Variants in LTBP1 observed in about 807,000 individuals in gnomAD.
LTBP1 encodes latent transforming growth factor beta binding protein 1.
Under a neutral mutation model 207.6 loss-of-function variants are expected in LTBP1, and 129 were observed. The ratio of observed to expected loss-of-function variants is 0.62; its 90% CI spans 0.54 to 0.72. LTBP1 has a LOEUF of 0.72. Among genes scored for constraint, LTBP1 ranks in the 30% least tolerant of loss-of-function variants. The probability of loss-of-function intolerance (pLI) is 0.00; values close to 1 mark genes in which losing one functional copy is unlikely to be tolerated. For synonymous variants in LTBP1, 963 were observed against 833.7 expected (o/e 1.16, Z -2.67); for missense variants, 2,281 against 2,217.2 (o/e 1.03, Z -0.58).
At chr2:33,277,823 T>TCTCTCTCTCTCTCTCTC (rs1320310239) in intron 18 of LTBP1, among the ~76,000 whole-genome samples, 12 of 83,516 alleles carry the variant, frequency 1.4e-4, no homozygotes, top group Non-Finnish European at 2.0e-4. Flanking sequence ...TTTTCTTTCT[T>TCTCTCTCTCTCTCTCTC]TCTTTCTTTT....
intron 3 of LTBP1, among the ~76,000 whole-genome samples, chr2:33,074,094 G>A (rs1221966136): frequency 1.3e-5 from 2 of 152,212 alleles, no homozygotes; most frequent in Non-Finnish European, 2.9e-5. Context: ...GTCTGAAGTT[G>A]AAGTGCAGAT....
intron 4 of LTBP1, among the ~76,000 whole-genome samples, chr2:33,116,031 G>A (rs1022950020): frequency 1.3e-5 from 2 of 152,180 alleles, no homozygotes; most frequent in Non-Finnish European, 2.9e-5. Context: ...AGGGTTATAA[G>A]ACACCAAAGG....
chr2:33,007,828 G>A (rs1287177996), intron 2 of LTBP1, among the ~76,000 whole-genome samples: 1 of 152,166 alleles, frequency 6.6e-6, no homozygotes, highest in African/African-American at 2.4e-5. Context: ...TGCTTTGCAT[G>A]TATTAATTAA....
In LTBP1 at chr2:33,347,401, T is replaced by G; in HGVS notation, c.3891T>G (p.Cys1297Trp). 1 of 1,614,194 alleles carries G rather than the reference T, an allele frequency of 6.2e-7. No individual in the cohort carries two copies. The highest frequency in any genetic ancestry group is 1.1e-5 in the South Asian group (1 of 91,086). The change falls in exon 26 of 34, where the codon TGT becomes TGG. Residue 1297 changes from cysteine (C) to tryptophan (W), a missense_variant. Around this residue, in one of 3 missense-constraint regions of LTBP1, gnomAD observed 1,671 missense variants for 1,634.8 expected, o/e 1.02. Transcript: ENST00000404816. ...AATGTGAACTGCTCAGTGGGGTGTG[T>G]GGTGAAGCCTTCTGTGAAAACGTGG... ...VNECELLSGV[C>W]GEAFCENVEG...
intron 3 of LTBP1, among the ~76,000 whole-genome samples, chr2:33,034,435 A>G (rs2075823174): frequency 1.3e-5 from 2 of 152,186 alleles, no homozygotes; most frequent in Non-Finnish European, 2.9e-5. Flanking sequence ...GTGTGAATGT[A>G]TATCAACTAT....
chr2:33,392,617 T>C (rs907197453), intron 32 of LTBP1, among the ~76,000 whole-genome samples: 3 of 152,174 alleles, frequency 2.0e-5, no homozygotes, highest in African/African-American at 7.2e-5. Flanking sequence ...TTTACAAAAA[T>C]AGGTAGCAGG....
intron 3 of LTBP1, among the ~76,000 whole-genome samples, chr2:33,032,088 G>A (rs2075715382): frequency 2.0e-5 from 3 of 152,232 alleles, no homozygotes; most frequent in East Asian, 3.9e-4. Context: ...CTTTGGATTC[G>A]GGTTAAGGAA....
intron 2 of LTBP1, among the ~76,000 whole-genome samples, chr2:32,993,546 C>G (rs1371332619): frequency 6.6e-6 from 1 of 152,194 alleles, no homozygotes; most frequent in African/African-American, 2.4e-5. Flanking sequence ...GTTTAGAAGA[C>G]TTTTAGAAAA....
chr2:33,225,491 T>A (rs2091381136), intron 9 of LTBP1, among the ~76,000 whole-genome samples: 2 of 152,320 alleles, frequency 1.3e-5, no homozygotes, highest in South Asian at 4.1e-4. Flanking sequence ...CTTACATGGA[T>A]GGCAGCAGGC....
At chr2:32,978,686 T>C (rs1021407310) in intron 2 of LTBP1, among the ~76,000 whole-genome samples, 4 of 148,734 alleles carry the variant, frequency 2.7e-5, no homozygotes, top group African/African-American at 7.4e-5. Context: ...TTTTTTTGCA[T>C]GTGTCTTTGG....
intron 5 of LTBP1, among the ~76,000 whole-genome samples, chr2:33,150,021 C>T (rs1229327921): frequency 6.6e-6 from 1 of 152,144 alleles, no homozygotes; most frequent in African/African-American, 2.4e-5. Flanking sequence ...CATTAAAAGT[C>T]TGACATATTA....
intron 3 of LTBP1, among the ~76,000 whole-genome samples, chr2:33,098,697 C>G (rs1029046189): frequency 6.6e-6 from 1 of 152,140 alleles, no homozygotes; most frequent in Admixed American, 6.5e-5. Context: ...CCTTGGCCTT[C>G]CAAAGTGCTG....
chr2:33,025,758 G>A lies in LTBP1; in HGVS notation c.863+4552G>A, dbSNP rs755110517. Among the ~76,000 whole-genome samples the A allele has an allele frequency of 5.9e-5, 9 of 152,130 alleles. 1 individual carries two copies. In the South Asian group the frequency reaches 1.0e-3, roughly 18 times the overall value. ...AGATTTTATTCAGAATAATCCAGTG[G>A]GTTGAGGTATAGAGGTAATAAGATT... On this transcript the variant is annotated intron_variant, in intron 3 of 33. Coordinates refer to ENST00000404816, the MANE Select transcript of LTBP1 (RefSeq NM_206943.4).
intron 19 of LTBP1, among the ~76,000 whole-genome samples, chr2:33,284,366 T>C (rs1043197978): frequency 2.0e-5 from 3 of 152,216 alleles, no homozygotes; most frequent in African/African-American, 7.2e-5. Flanking sequence ...CTAACACACA[T>C]CATCCCTAAT....
At chr2:33,334,179 T>G (rs1340580596) in intron 24 of LTBP1, among the ~76,000 whole-genome samples, 1 of 152,180 alleles carries the variant, frequency 6.6e-6, no homozygotes, top group Non-Finnish European at 1.5e-5. Context: ...AAACACAGCA[T>G]GCGTAGATAA....
At position 33,134,410 on chromosome 2, in the gene LTBP1, C is replaced by A. The variant is rs1264524569; in HGVS notation, c.1034-383C>A. On this transcript the variant is annotated intron_variant, in intron 4 of 33. Transcript: ENST00000404816. The surrounding 1 kb of genome is among the most constrained non-coding windows in gnomAD (Gnocchi z 4.4). Reference sequence around the variant, plus strand: ...TTCACCGCTAGGTGCACGGCCAACCCCTTTGCATTACATCTGCCTGTCAGG... The same window carrying A: ...TTCACCGCTAGGTGCACGGCCAACCACTTTGCATTACATCTGCCTGTCAGG... 1 of 542,944 alleles carries A rather than the reference C, an allele frequency of 1.8e-6. No homozygotes were observed. The highest frequency in any genetic ancestry group is 5.8e-5 in the East Asian group (1 of 17,114). 33.6% of individuals were successfully genotyped at this position (542,944 alleles called of 1,614,324 possible).
intron 9 of LTBP1, among the ~76,000 whole-genome samples, chr2:33,239,021 G>C (rs2092187739): frequency 6.6e-6 from 1 of 152,138 alleles, no homozygotes; most frequent in Non-Finnish European, 1.5e-5. Context: ...TCTTATTTCT[G>C]TTGTATTAGT....
At chr2:32,991,189 T>C (rs909505650) in intron 2 of LTBP1, among the ~76,000 whole-genome samples, 1 of 152,230 alleles carries the variant, frequency 6.6e-6, no homozygotes, top group African/African-American at 2.4e-5. Flanking sequence ...CTTATATGTT[T>C]CTCTTTTAAT....
chr2:33,057,752 G>A (rs2149585058), intron 3 of LTBP1, among the ~76,000 whole-genome samples: 1 of 152,344 alleles, frequency 6.6e-6, no homozygotes, highest in East Asian at 1.9e-4. Flanking sequence ...CGCTCACCGG[G>A]AACTCTAGCT....
Sources: gnomAD v4.1 joint callset for allele counts (sites outside exome capture counted in the v4.1 genomes callset) on GRCh38, gnomAD v4.1.1 for gene constraint, gnomAD v4.1.1 regional missense constraint, Gnocchi (gnomAD v3.1) non-coding constraint, MANE v1.5 for transcripts, NCBI Gene and HGNC (gene_info 2026-07-23, HGNC 2026-07-21) for gene names.